FLYWCH1: variants seen among roughly 807,000 people sequenced by gnomAD.
The protein encoded by FLYWCH1 is FLYWCH-type zinc finger 1.
In FLYWCH1, 75 loss-of-function variants were observed where a neutral mutation model predicts 66.4. That is an observed-to-expected ratio of 1.13 (90% confidence interval 0.94 to 1.37). The LOEUF is 1.37. Among genes scored for constraint, FLYWCH1 ranks in the 40% most tolerant of loss-of-function variants. The pLI, the probability that FLYWCH1 is intolerant of heterozygous loss-of-function variation, is 0.00. For synonymous variants in FLYWCH1, 595 were observed against 429.9 expected, an observed-to-expected ratio of 1.38 and a Z score of -4.75; for missense variants, 1,334 against 1,001.8, an observed-to-expected ratio of 1.33 and a Z score of -4.48.
At position 2,929,993 on chromosome 16, in the gene FLYWCH1, G is replaced by A; in HGVS notation, c.308G>A (p.Cys103Tyr). Residue 103 changes from cysteine to tyrosine, a missense_variant, in exon 3 of 10, where the codon TGC becomes TAC. Physicochemically the swap from Cys to Tyr is radical, Grantham distance 194 (BLOSUM62 -2). Transcript: ENST00000253928. Reference sequence around the variant, plus strand: ...GCCCTAGAGATGCCTGAACAGAAGTGCAGCAAGCTGGATGCAGGTGAGGTG... The same window carrying A: ...GCCCTAGAGATGCCTGAACAGAAGTACAGCAAGCTGGATGCAGGTGAGGTG... Reference protein sequence around the residue: ...QPALEMPEQKCSKLDAAAPQS... With the variant: ...QPALEMPEQKYSKLDAAAPQS... 6.2e-7 allele frequency: 1 copy of A among 1,605,210 alleles called. No individual in the cohort carries two copies. The highest frequency in any genetic ancestry group is 8.5e-7 in the Non-Finnish European group (1 of 1,173,306).
chr16:2,938,341 C>T lies in FLYWCH1; in HGVS notation c.1935C>T (p.Thr645=), dbSNP rs1465145404. The change falls in exon 8 of 10, where the codon ACC becomes ACT. Residue 645 remains threonine, a synonymous_variant. Coordinates refer to ENST00000253928, the MANE Select transcript of FLYWCH1 (RefSeq NM_001308068.2). ...ARLGCRSRAI[T]QGHRIMVMRS... ...TGGGCTGCCGCAGCCGCGCCATAAC[C>T]CAGGGCCACCGCATCATGGTCATGC... 6.9e-6 allele frequency: 11 copies of T among 1,604,370 alleles called. No homozygotes were observed. The highest frequency in any genetic ancestry group is 8.5e-6 in the Non-Finnish European group (10 of 1,175,056).
intron 4 of FLYWCH1, among the ~76,000 whole-genome samples, chr16:2,932,141 T>A (rs2070784482): frequency 7.7e-6 from 1 of 129,144 alleles, no homozygotes; most frequent in Non-Finnish European, 1.6e-5. Context: ...AAAAATTAGC[T>A]GGGCGTGGAG....
At chr16:2,916,504 G>A (rs1339154009) in intron 2 of FLYWCH1, among the ~76,000 whole-genome samples, 3 of 151,888 alleles carry the variant, frequency 2.0e-5, no homozygotes, top group African/African-American at 7.3e-5. Context: ...AGGCCTGGTG[G>A]CAGGTGCCTG....
At chr16:2,940,230 A>C in intron 9 of FLYWCH1, 138 bp downstream of exon 9, 1 of 585,542 alleles carries the variant, frequency 1.7e-6, no homozygotes, top group South Asian at 2.0e-5. Flanking sequence ...CTGACTCCTG[A>C]GGTTGAAGAG....
chr16:2,939,890 G>A (rs529615082), intron 8 of FLYWCH1, 142 bp from the exon 9 acceptor site: 13 of 912,150 alleles, frequency 1.4e-5, no homozygotes, highest in African/African-American at 5.1e-5. Flanking sequence ...TAATTGATGC[G>A]TTGAATTCCC....
Position 2,934,476 on chromosome 16 carries a change from A to C in FLYWCH1, c.1513+497A>C, listed in dbSNP as rs2070913229. On this transcript the variant is annotated intron_variant, in intron 6 of 9. Coordinates refer to ENST00000253928, the MANE Select transcript of FLYWCH1 (RefSeq NM_001308068.2). Reference sequence around the variant, plus strand: ...GAGGGTCCCGGCTGTCTCCATCTTTATCCACACGGTCGGCCCCCCGCAGTG... The same window carrying C: ...GAGGGTCCCGGCTGTCTCCATCTTTCTCCACACGGTCGGCCCCCCGCAGTG... The C allele has an allele frequency of 8.3e-6, 3 of 359,544 alleles. No individual in the cohort carries two copies. The Admixed American group carries it at 1.1e-4, about 13-fold the overall frequency. 22.3% of individuals were successfully genotyped at this position (359,544 alleles called of 1,614,324 possible). A position where few individuals can be genotyped will look rare whatever the true frequency, so the allele number is the denominator to read the frequency against.
intron 2 of FLYWCH1, among the ~76,000 whole-genome samples, chr16:2,918,063 T>C (rs2070234398): frequency 6.6e-6 from 1 of 151,776 alleles, no homozygotes; most frequent in African/African-American, 2.4e-5. Flanking sequence ...TGTCTTGAAC[T>C]CCTGACCTCA....
intron 2 of FLYWCH1, among the ~76,000 whole-genome samples, chr16:2,924,812 C>A (rs930348345): frequency 6.6e-6 from 1 of 152,230 alleles, no homozygotes; most frequent in African/African-American, 2.4e-5. Flanking sequence ...CTCAGCCTTC[C>A]ACAAGCCGGC....
chr16:2,938,211 G>T lies in FLYWCH1; in HGVS notation c.1805G>T (p.Arg602Met). 8 of 1,613,002 alleles carry T rather than the reference G, an allele frequency of 5.0e-6. No individual in the cohort carries two copies. The highest frequency in any genetic ancestry group is 5.9e-6 in the Non-Finnish European group (7 of 1,179,580). The change falls in exon 8 of 10, where the codon AGG (arginine) becomes ATG (methionine). Residue 602 changes from arginine to methionine, a missense_variant. By Grantham distance (91) the Arg-to-Met change is moderately conservative. Coordinates refer to ENST00000253928, the MANE Select transcript of FLYWCH1 (RefSeq NM_001308068.2). The part of the protein sequence containing the change: ...PDPLRPLEFL[R>M]TSLGGRFLVH... ...CCTCTCCGGCCCCTGGAGTTCCTGA[G>T]GACTTCCCTGGGGGGCAGGTTCCTG...
chr16:2,951,172 G>T lies in FLYWCH1; in HGVS notation c.*2445G>T, dbSNP rs911770654. On this transcript the variant is annotated 3_prime_UTR_variant, in exon 10 of 10. Coordinates refer to ENST00000253928, the MANE Select transcript of FLYWCH1 (RefSeq NM_001308068.2). ...CATGACAGTGCCAACAACATCTCAT[G>T]AAATTTAAAATAAATCCCCAAGGCA... 6 of 152,272 alleles carry T rather than the reference G, an allele frequency of 3.9e-5. No homozygotes were observed. Among genetic ancestry groups the T allele is most frequent in the African/African-American group, 1.4e-4 (6 of 41,466 alleles). 9.4% of individuals were successfully genotyped at this position (152,272 alleles called of 1,614,324 possible). A position where few individuals can be genotyped will look rare whatever the true frequency, so the allele number is the denominator to read the frequency against.
chr16:2,940,060 G>A lies in FLYWCH1; in HGVS notation c.2079G>A (p.Lys693=), dbSNP rs2071197245. The A allele has an allele frequency of 6.4e-7, 1 of 1,552,464 alleles. No homozygotes were observed. The highest frequency in any genetic ancestry group is 8.9e-7 in the Non-Finnish European group (1 of 1,124,456). ...PEKIQVQLCF[K]TCSPESQQIY... is the part of the protein sequence containing the mutation. ...AGATTCAAGTTCAGCTGTGCTTCAA[G>A]ACGTGTTCTCCTGAAAGCCAGCAGA... The change falls in exon 9 of 10, where the codon AAG becomes AAA. Residue 693 remains lysine (K), a synonymous_variant. Transcript: ENST00000253928.
intron 6 of FLYWCH1, chr16:2,935,431 G>C (rs750821637): frequency 2.6e-5 from 4 of 152,198 alleles, no homozygotes; most frequent in Non-Finnish European, 4.4e-5. Context: ...GCCTGGCCTG[G>C]GGGCAGAGGC....
chr16:2,945,724 G>A (rs555371280), intron 9 of FLYWCH1, among the ~76,000 whole-genome samples: 87 of 151,180 alleles, frequency 5.8e-4, no homozygotes, highest in African/African-American at 1.8e-3. Flanking sequence ...GAGGCCGGGT[G>A]CGGTGGCTCA....
chr16:2,926,505 T>A (rs1355750877), intron 2 of FLYWCH1, among the ~76,000 whole-genome samples: 1 of 152,174 alleles, frequency 6.6e-6, no homozygotes, highest in African/African-American at 2.4e-5. Context: ...AATCGCTCGG[T>A]CAATGCAAAA....
chr16:2,914,426 T>G (rs1398463256), intron 2 of FLYWCH1, 137 bp downstream of exon 2: 1 of 152,278 alleles, frequency 6.6e-6, no homozygotes, highest in Non-Finnish European at 1.5e-5. Context: ...GCTGAGCCCT[T>G]GTGGTCACCA....
chr16:2,938,225 G>T lies in FLYWCH1; in HGVS notation c.1819G>T (p.Gly607Cys). 6.2e-7 allele frequency: 1 copy of T among 1,613,174 alleles called. No homozygotes were observed. Among genetic ancestry groups the T allele is most frequent in the Non-Finnish European group, 8.5e-7 (1 of 1,179,632 alleles). Reference sequence around the variant, plus strand: ...GGAGTTCCTGAGGACTTCCCTGGGGGGCAGGTTCCTGGTGCACGAGTCCTT... The same window carrying T: ...GGAGTTCCTGAGGACTTCCCTGGGGTGCAGGTTCCTGGTGCACGAGTCCTT... ...PLEFLRTSLGGRFLVHESFLY... is the reference protein window; with the variant it reads ...PLEFLRTSLGCRFLVHESFLY... The change falls in exon 8 of 10, where the codon GGC (glycine) becomes TGC (cysteine). Residue 607 changes from glycine (G) to cysteine (C), a missense_variant. By Grantham distance (159) the Gly-to-Cys change is radical. Transcript: ENST00000253928.
chr16:2,929,883 G>T lies in FLYWCH1; in HGVS notation c.198G>T (p.Leu66=), dbSNP rs2070701002. The change falls in exon 3 of 10, where the codon CTG becomes CTT. Residue 66 remains leucine (L), a synonymous_variant. Coordinates refer to ENST00000253928, the MANE Select transcript of FLYWCH1 (RefSeq NM_001308068.2). Reference sequence around the variant, plus strand: ...AGCCCCAGGAAGTGCACTGCGTCCTGTCCCTGGAGATGGCTGGCCCCGCCA... The same window carrying T: ...AGCCCCAGGAAGTGCACTGCGTCCTTTCCCTGGAGATGGCTGGCCCCGCCA... ...GSKPQEVHCV[L]SLEMAGPATL... The T allele has an allele frequency of 1.9e-6, 3 of 1,613,762 alleles. No individual in the cohort carries two copies.
chr16:2,923,064 C>A, intron 2 of FLYWCH1: 1 of 414,002 alleles, frequency 2.4e-6, no homozygotes, highest in Non-Finnish European at 4.6e-6. Context: ...GGCTGTTGTG[C>A]GGATCTATTT....
At chr16:2,947,552 G>A (rs911595354) in intron 9 of FLYWCH1, among the ~76,000 whole-genome samples, 9 of 152,248 alleles carry the variant, frequency 5.9e-5, no homozygotes, top group Admixed American at 2.0e-4. Flanking sequence ...CCTGAGTTCA[G>A]GAGTTTGAGA....
Sources: allele counts gnomAD v4.1 joint callset (sites outside exome capture counted in the v4.1 genomes callset), GRCh38; gene constraint gnomAD v4.1.1; transcripts MANE v1.5; gene names NCBI Gene and HGNC (gene_info 2026-07-23, HGNC 2026-07-21).